Variants in GPI observed in about 807,000 individuals in gnomAD.
The protein encoded by GPI is glucose-6-phosphate isomerase, also known as D-hexose-6-phosphate anomerase.
Under a neutral mutation model 75.8 loss-of-function variants are expected in GPI, and 56 were observed. The observed-to-expected ratio is 0.74, with a 90% CI of 0.60 to 0.92. The LOEUF is 0.92. Among genes scored for constraint, GPI ranks in the 40% least tolerant of loss-of-function variants. GPI has a pLI of 0.00. For missense variants in GPI, 638 were observed against 741.0 expected (o/e 0.86, Z 1.61); for synonymous variants, 288 against 285.4 (o/e 1.01, Z -0.09).
At chr19:34,399,480 G>A in intron 15 of GPI, 76 bp from the exon 16 acceptor site, 4 of 1,564,166 alleles carry the variant, frequency 2.6e-6, no homozygotes, top group Non-Finnish European at 3.5e-6. Context: ...CTCAGCCTCT[G>A]GGGCAGGGTG....
rs2075011800 is a variant in GPI, at chr19:34,400,850, G to A, written c.*814G>A. The A allele has an allele frequency of 2.6e-5, 9 of 343,158 alleles. No homozygotes were observed. Among genetic ancestry groups the A allele is most frequent in the African/African-American group, 4.3e-5 (2 of 46,764 alleles). The allele number at this position is 343,158 out of a possible 1,614,324, so 21.3% of individuals were successfully genotyped here. ...AGCTATTCTCCTGCCTCAGCCTCCCGAGTAGCTGGGATTACACGGCGCACA... is the reference window on the plus strand; with the variant it reads ...AGCTATTCTCCTGCCTCAGCCTCCCAAGTAGCTGGGATTACACGGCGCACA... On this transcript the variant is annotated 3_prime_UTR_variant, in exon 18 of 18. Coordinates refer to ENST00000356487, the MANE Select transcript of GPI (RefSeq NM_000175.5).
At chr19:34,388,521 G>A (rs1387373062) in intron 9 of GPI, among the ~76,000 whole-genome samples, 1 of 152,028 alleles carries the variant, frequency 6.6e-6, no homozygotes, top group African/African-American at 2.4e-5. Flanking sequence ...GTAGATGATG[G>A]TTAGATAAGG....
chr19:34,368,009 C>T (rs2145323603), intron 3 of GPI, among the ~76,000 whole-genome samples: 1 of 152,358 alleles, frequency 6.6e-6, no homozygotes, highest in South Asian at 2.1e-4. Flanking sequence ...CAACCTCTGT[C>T]TAATGGGTTC....
chr19:34,385,764 G>T (rs895867231), intron 9 of GPI, among the ~76,000 whole-genome samples: 1 of 152,116 alleles, frequency 6.6e-6, no homozygotes, highest in African/African-American at 2.4e-5. Context: ...ATGCAGGTAG[G>T]GGGTGCTGGT....
At chr19:34,365,137 C>A (rs376573643), upstream of GPI, 6 of 1,216,268 alleles carry the variant, frequency 4.9e-6, no homozygotes, top group Non-Finnish European at 6.1e-6. Context: ...AGGGGTGGGG[C>A]CGGGCCGGGC....
At position 34,400,449 on chromosome 19, in the gene GPI, C is replaced by T. The variant is rs1710471638; in HGVS notation, c.*413C>T. On this transcript the variant is annotated 3_prime_UTR_variant, in exon 18 of 18. Transcript: ENST00000356487. Reference sequence around the variant, plus strand: ...CGGACACTTAACACTAAGTGGTGAGCGGGTCTAGAGTGGAGCAAGGTGCCC... The same window carrying T: ...CGGACACTTAACACTAAGTGGTGAGTGGGTCTAGAGTGGAGCAAGGTGCCC... 3 of 578,916 alleles carry T rather than the reference C, an allele frequency of 5.2e-6. No homozygotes were observed. Among genetic ancestry groups the T allele is most frequent in the East Asian group, 2.8e-5 (1 of 35,334 alleles). 35.9% of individuals were successfully genotyped at this position (578,916 alleles called of 1,614,324 possible).
upstream of GPI, among the ~76,000 whole-genome samples, chr19:34,361,155 G>C (rs2074299209): frequency 6.6e-6 from 1 of 151,734 alleles, no homozygotes; most frequent in Non-Finnish European, 1.5e-5. Context: ...GCAGTGGCAT[G>C]ATTCAGCTCA....
At chr19:34,368,801 A>G in intron 4 of GPI, 99 bp downstream of exon 4, 1 of 1,392,896 alleles carries the variant, frequency 7.2e-7, no homozygotes, top group Non-Finnish European at 1.0e-6. Flanking sequence ...TCTTGTAGGC[A>G]GGACTCAGGT....
At chr19:34,388,011 C>G (rs2074763831) in intron 9 of GPI, among the ~76,000 whole-genome samples, 1 of 152,146 alleles carries the variant, frequency 6.6e-6, no homozygotes, top group Admixed American at 6.5e-5. Context: ...CTGGTGATGT[C>G]TAGGGAACCC....
At chr19:34,381,731 G>A (rs2074656706) in intron 9 of GPI, 1 of 626,900 alleles carries the variant, frequency 1.6e-6, no homozygotes, top group East Asian at 2.8e-5. Flanking sequence ...GGCTGAGCTT[G>A]CAGGGCCACA....
At chr19:34,384,224 C>T (rs529772961) in intron 9 of GPI, among the ~76,000 whole-genome samples, 1 of 151,952 alleles carries the variant, frequency 6.6e-6, no homozygotes, top group South Asian at 2.1e-4. Flanking sequence ...GGGAAGAGAC[C>T]AGACAAAGGG....
At position 34,365,408 on chromosome 19, in the gene GPI, G is replaced by C. The variant is rs8191360; in HGVS notation, c.122+20G>C. On this transcript the variant is annotated intron_variant, in intron 1 of 17. Coordinates refer to ENST00000356487, the MANE Select transcript of GPI (RefSeq NM_000175.5). ...CTTCAGGTGCGGGCGGGCCGGAGGC[G>C]GGGGCTGCCACGCGCGGCGCCCGGA... The C allele has an allele frequency of 6.4e-7, 1 of 1,560,272 alleles. No individual in the cohort carries two copies. The highest frequency in any genetic ancestry group is 1.1e-5 in the South Asian group (1 of 87,024).
chr19:34,366,004 C>T (rs1253582836), intron 1 of GPI: 5 of 554,162 alleles, frequency 9.0e-6, no homozygotes. Context: ...CCGGGCTAGA[C>T]GTCCCGATGG....
At chr19:34,360,283 T>G (rs2074294335), upstream of GPI, among the ~76,000 whole-genome samples, 1 of 152,078 alleles carries the variant, frequency 6.6e-6, no homozygotes, top group Non-Finnish European at 1.5e-5. Flanking sequence ...CTGATGGTGA[T>G]AGACAACAGA....
In GPI at chr19:34,393,735, C is replaced by CA; in HGVS notation, c.875dup (p.Asn292LysfsTer43). On this transcript the variant is annotated frameshift_variant, in exon 11 of 18. Transcript: ENST00000356487. LOFTEE classifies it high-confidence loss of function. The surrounding 1 kb of genome is among the most constrained non-coding windows in gnomAD (Gnocchi z 4.4). ...TCTGCTTTTGTGTCACAGGTTTTGA[C>CA]AACTTCGAGCAGCTGCTCTCGGGGG... 6.2e-7 allele frequency: 1 copy of CA among 1,613,524 alleles called. No individual in the cohort carries two copies. The highest frequency in any genetic ancestry group is 8.5e-7 in the Non-Finnish European group (1 of 1,179,982).
intron 9 of GPI, among the ~76,000 whole-genome samples, chr19:34,390,507 A>G (rs1351887627): frequency 6.6e-6 from 1 of 151,310 alleles, no homozygotes; most frequent in Admixed American, 6.6e-5. Flanking sequence ...TGGGCTAAGT[A>G]CAGGTATGAC....
At chr19:34,387,050 A>G (rs2074746016) in intron 9 of GPI, among the ~76,000 whole-genome samples, 1 of 152,224 alleles carries the variant, frequency 6.6e-6, no homozygotes, top group Admixed American at 6.5e-5. Context: ...GCTCACATAA[A>G]TAAAGCTGGA....
chr19:34,389,890 G>T (rs2074796361), intron 9 of GPI, among the ~76,000 whole-genome samples: 1 of 152,224 alleles, frequency 6.6e-6, no homozygotes, highest in Non-Finnish European at 1.5e-5. Flanking sequence ...TGCTAGAAAT[G>T]TGGGAGGTGC....
At chr19:34,365,445 G>A in intron 1 of GPI, 57 bp downstream of exon 1, 1 of 1,495,450 alleles carries the variant, frequency 6.7e-7, no homozygotes, top group Middle Eastern at 1.8e-4. Flanking sequence ...CCGGGCACGC[G>A]GGCCTGGGGT....
Sources: allele counts gnomAD v4.1 joint callset (sites outside exome capture counted in the v4.1 genomes callset), GRCh38; gene constraint gnomAD v4.1.1; non-coding constraint Gnocchi (gnomAD v3.1); transcripts MANE v1.5; gene names NCBI Gene and HGNC (gene_info 2026-07-23, HGNC 2026-07-21).